The following HSD17B3 variants were observed in gnomAD, a reference collection of about 807,000 sequenced individuals.
The protein encoded by HSD17B3 is 17-beta-hydroxysteroid dehydrogenase type 3.
A neutral mutation model predicts 41.1 loss-of-function variants in HSD17B3; 29 were observed. That is an observed-to-expected ratio of 0.71 (90% CI 0.53 to 0.96). The LOEUF is 0.96. HSD17B3 is among the 40% of genes least tolerant of loss of function. HSD17B3 has a pLI of 0.00. For missense variants in HSD17B3, 323 were observed against 374.6 expected (o/e 0.86, Z 1.14); for synonymous variants, 126 against 145.6 (o/e 0.87, Z 0.97).
At chr9:96,241,744 G>A (rs1007913318) in intron 9 of HSD17B3, among the ~76,000 whole-genome samples, 4 of 152,058 alleles carry the variant, frequency 2.6e-5, no homozygotes, top group African/African-American at 9.7e-5. Context: ...AGACCAGCCT[G>A]AGCAACATGG....
chr9:96,251,851 T>G (rs1825426692), intron 4 of HSD17B3, among the ~76,000 whole-genome samples: 1 of 152,198 alleles, frequency 6.6e-6, no homozygotes, highest in Admixed American at 6.5e-5. Context: ...CTCAGAATAT[T>G]GGGATTTTAA....
intron 2 of HSD17B3, among the ~76,000 whole-genome samples, chr9:96,265,539 C>G (rs924885766): frequency 1.3e-5 from 2 of 152,058 alleles, no homozygotes; most frequent in East Asian, 3.8e-4. Flanking sequence ...AACATACTAC[C>G]GTGCTCTACT....
At position 96,252,839 on chromosome 9, in the gene HSD17B3, T is replaced by C. The variant is rs1474582477; in HGVS notation, c.349A>G (p.Lys117Glu). ...FTKDDIYEHI[K>E]EKLAGLEIGI... ...ATTTCTAAGCCTGCAAGTTTTTCTTTAATATGCTCGTAGATGTCATCTTTT... is the reference window on the plus strand; with the variant it reads ...ATTTCTAAGCCTGCAAGTTTTTCTTCAATATGCTCGTAGATGTCATCTTTT... Residue 117 changes from lysine (K) to glutamate (E), a missense_variant, in exon 4 of 11, where the codon AAA becomes GAA. Coordinates refer to ENST00000375263, the MANE Select transcript of HSD17B3 (RefSeq NM_000197.2). The C allele has an allele frequency of 1.2e-6, 2 of 1,613,212 alleles. No homozygotes were observed. The highest frequency in any genetic ancestry group is 1.1e-5 in the South Asian group (1 of 91,068).
chr9:96,301,894 A>ATAG, intron 1 of HSD17B3, 57 bp downstream of exon 1: 1 of 1,560,918 alleles, frequency 6.4e-7, no homozygotes, highest in Non-Finnish European at 8.8e-7. Flanking sequence ...AATAATAATA[A>ATAG]TAGTAACAAG....
At chr9:96,290,456 CTTTTT>C (rs61373611) in intron 2 of HSD17B3, among the ~76,000 whole-genome samples, 4 of 78,418 alleles carry the variant, frequency 5.1e-5, no homozygotes, top group East Asian at 5.0e-4. Flanking sequence ...ATTTCCTGGG[CTTTTT>C]TTTTTTTTTT....
intron 2 of HSD17B3, among the ~76,000 whole-genome samples, chr9:96,282,992 CTTTTTTTT>C (rs58397134): frequency 7.5e-4 from 54 of 71,700 alleles, no homozygotes; most frequent in African/African-American, 3.1e-3. Flanking sequence ...AGGTTTCTTT[CTTTTTTTT>C]TTTTTTTTTT....
chr9:96,293,709 G>A (rs13284535), intron 2 of HSD17B3, among the ~76,000 whole-genome samples: 45,661 of 151,424 alleles, frequency 0.3, 7,525 homozygotes, highest in Non-Finnish European at 0.38. Context: ...TGTTTCTCTC[G>A]AGAACCATGA....
intron 2 of HSD17B3, among the ~76,000 whole-genome samples, chr9:96,293,165 C>A (rs1021551995): frequency 2.0e-5 from 3 of 152,190 alleles, no homozygotes; most frequent in African/African-American, 7.2e-5. Context: ...TAGCGGTGAA[C>A]ATTGTGTTTC....
intron 10 of HSD17B3, among the ~76,000 whole-genome samples, chr9:96,236,046 G>A (rs1409874178): frequency 6.6e-6 from 1 of 151,120 alleles, no homozygotes; most frequent in Non-Finnish European, 1.5e-5. Flanking sequence ...CCGGACTTAA[G>A]TGATCCTCCT....
Position 96,302,006 on chromosome 9 carries a change from C to T in HSD17B3, c.99G>A (p.Leu33=). 1 of 1,614,126 alleles carries T rather than the reference C, an allele frequency of 6.2e-7. No individual in the cohort carries two copies. The highest frequency in any genetic ancestry group is 1.1e-5 in the South Asian group (1 of 91,082). Residue 33 remains leucine (L), a synonymous_variant, in exon 1 of 11, where the codon CTG becomes CTA. Transcript: ENST00000375263. ...ACTTTGGCAAAACTTTCCAGTAGTT[C>T]AGTAAAACACATCTGGAGAATCTCA... The part of the protein sequence containing the change: ...KCVRFSRCVL[L]NYWKVLPKSF...
intron 10 of HSD17B3, among the ~76,000 whole-genome samples, chr9:96,236,323 C>G (rs1363838754): frequency 6.6e-6 from 1 of 151,504 alleles, no homozygotes; most frequent in Non-Finnish European, 1.5e-5. Context: ...TTGAGACCAG[C>G]CTGGCCAACA....
rs539034285 is a variant in HSD17B3, at chr9:96,271,578, C to T, written c.202-16635G>A. On this transcript the variant is annotated intron_variant, in intron 2 of 10. Coordinates refer to ENST00000375263, the MANE Select transcript of HSD17B3 (RefSeq NM_000197.2). ...GTACCATGATTTCTTCCCCTTCTTT[C>T]CTTCTCACAAGTCAAAGCAGATATG... is the stretch of plus-strand genomic sequence containing the variant. Among the ~76,000 whole-genome samples, 7 of 152,260 alleles carry T rather than the reference C, an allele frequency of 4.6e-5. No individual in the cohort carries two copies. The East Asian group carries it at 1.4e-3, about 29-fold the overall frequency.
At chr9:96,268,190 G>A (rs1401232028) in intron 2 of HSD17B3, among the ~76,000 whole-genome samples, 1 of 152,204 alleles carries the variant, frequency 6.6e-6, no homozygotes, top group African/African-American at 2.4e-5. Context: ...CTCCCAAAGT[G>A]CTGGGATTAC....
intron 10 of HSD17B3, among the ~76,000 whole-genome samples, chr9:96,236,002 G>A (rs1836224819): frequency 1.3e-5 from 2 of 150,882 alleles, no homozygotes; most frequent in African/African-American, 4.9e-5. Flanking sequence ...CAGAGACAGA[G>A]TCTCACTATG....
intron 2 of HSD17B3, among the ~76,000 whole-genome samples, chr9:96,287,492 C>T (rs570636452): frequency 3.3e-5 from 5 of 152,238 alleles, no homozygotes; most frequent in African/African-American, 7.2e-5. Flanking sequence ...AGGCGGATCA[C>T]GAGGTCAGGA....
chr9:96,272,439 AT>A lies in HSD17B3; in HGVS notation c.202-17497del, dbSNP rs1564048592. On this transcript the variant is annotated intron_variant, in intron 2 of 10. Coordinates refer to ENST00000375263, the MANE Select transcript of HSD17B3 (RefSeq NM_000197.2). ...TATATATATATATATATATATATATATATATATAAAATATATATGAATATAA... is the reference window on the plus strand; with the variant it reads ...TATATATATATATATATATATATATAATATATAAAATATATATGAATATAA... 9.7e-4 allele frequency among the ~76,000 whole-genome samples: 95 copies of A among 98,322 alleles called. 1 individual carries two copies. The highest frequency in any genetic ancestry group is 4.8e-3 in the Middle Eastern group (1 of 210). 64.5% of individuals were successfully genotyped at this position (98,322 alleles called of 152,430 possible). A position where few individuals can be genotyped will look rare whatever the true frequency, so the allele number is the denominator to read the frequency against.
At chr9:96,278,400 TTTTA>T (rs1370895565) in intron 2 of HSD17B3, among the ~76,000 whole-genome samples, 4 of 152,214 alleles carry the variant, frequency 2.6e-5, no homozygotes, top group Non-Finnish European at 4.4e-5. Flanking sequence ...TATATACAAT[TTTTA>T]TTTGTCAATT....
intron 2 of HSD17B3, among the ~76,000 whole-genome samples, chr9:96,276,129 A>AAAAAAC (rs1564051377): frequency 2.2e-5 from 3 of 138,494 alleles, no homozygotes; most frequent in Non-Finnish European, 4.8e-5. Flanking sequence ...AAAAAAAAAA[A>AAAAAAC]AAACAGAAGA....
intron 2 of HSD17B3, among the ~76,000 whole-genome samples, chr9:96,271,298 C>T (rs529795464): frequency 2.0e-5 from 3 of 152,236 alleles, no homozygotes; most frequent in South Asian, 4.2e-4. Flanking sequence ...AAGTTTAGAA[C>T]AGGGTTTATG....
Sources: gnomAD v4.1 joint callset for allele counts (sites outside exome capture counted in the v4.1 genomes callset) on GRCh38, gnomAD v4.1.1 for gene constraint, MANE v1.5 for transcripts, NCBI Gene and HGNC (gene_info 2026-07-23, HGNC 2026-07-21) for gene names.